The following PIK3CA variants were observed in gnomAD, a reference collection of about 807,000 sequenced individuals.
PIK3CA encodes phosphatidylinositol 4,5-bisphosphate 3-kinase catalytic subunit alpha isoform.
PIK3CA carries 27 observed loss-of-function variants against 138.2 expected under a neutral mutation model. That is an observed-to-expected ratio of 0.20 (90% confidence interval 0.14 to 0.27). The LOEUF (loss-of-function observed/expected upper bound fraction) is 0.27, where lower values mean the gene tolerates loss of function less well. Ranked by LOEUF, PIK3CA falls within the 10% of genes least tolerant of loss-of-function variation. PIK3CA has a pLI of 1.00. For missense variants in PIK3CA, 544 were observed against 1,277.4 expected, an observed-to-expected ratio of 0.43 and a Z score of 8.75; for synonymous variants, 358 against 413.2, an observed-to-expected ratio of 0.87 and a Z score of 1.62.
At chr3:179,190,307 AC>A (rs61660360) in intron 1 of PIK3CA, among the ~76,000 whole-genome samples, 3,417 of 129,700 alleles carry the variant, frequency 0.026, 56 homozygotes, top group Middle Eastern at 0.056. Flanking sequence ...TATATAGTGC[AC>A]CCCCCCCACC....
At chr3:179,187,270 G>A (rs1227104302) in intron 1 of PIK3CA, among the ~76,000 whole-genome samples, 1 of 151,994 alleles carries the variant, frequency 6.6e-6, no homozygotes, top group Non-Finnish European at 1.5e-5. Flanking sequence ...GGGTGCGGTG[G>A]CTCACACCTG....
intron 1 of PIK3CA, among the ~76,000 whole-genome samples, chr3:179,190,145 T>G (rs1724091167): frequency 6.6e-6 from 1 of 152,226 alleles, no homozygotes; most frequent in South Asian, 2.1e-4. Context: ...CTTTTGATTT[T>G]TCTTTAACCA....
intron 1 of PIK3CA, among the ~76,000 whole-genome samples, chr3:179,197,860 C>T (rs753646157): frequency 2.0e-4 from 30 of 151,974 alleles, no homozygotes; most frequent in Middle Eastern, 6.8e-3. Context: ...TCTAAAAGAC[C>T]CCCCAAGATT....
At chr3:179,192,996 A>G (rs562989135) in intron 1 of PIK3CA, among the ~76,000 whole-genome samples, 81 of 152,356 alleles carry the variant, frequency 5.3e-4, no homozygotes, top group Non-Finnish European at 1.1e-3. Context: ...AAGTCAAATG[A>G]CAATGGAGAA....
intron 1 of PIK3CA, among the ~76,000 whole-genome samples, chr3:179,151,683 G>A (rs1037234091): frequency 6.6e-6 from 1 of 152,122 alleles, no homozygotes; most frequent in Non-Finnish European, 1.5e-5. Context: ...CTTTCTCTAG[G>A]TTTATTTCTC....
At chr3:179,197,228 G>A (rs1035498777) in intron 1 of PIK3CA, among the ~76,000 whole-genome samples, 2 of 151,882 alleles carry the variant, frequency 1.3e-5, no homozygotes, top group Non-Finnish European at 1.5e-5. Context: ...TAGTAGAGAC[G>A]GGGTTTCACC....
chr3:179,229,393 A>G lies in PIK3CA; in HGVS notation c.2617A>G (p.Asn873Asp). ...KGGLKGALQF[N>D]SHTLHQWLKD... ...CGGCTTGAAAGGTGCACTGCAGTTC[A>G]ACAGCCACACACTACATCAGTGGCT... is the stretch of plus-strand genomic sequence containing the variant. The change falls in exon 18 of 21, where the codon AAC becomes GAC. Residue 873 changes from asparagine (N) to aspartate (D), a missense_variant. Around this residue, in one of 14 missense-constraint regions of PIK3CA, gnomAD observed 72 missense variants for 271.8 expected, o/e 0.26. Coordinates refer to ENST00000263967, the MANE Select transcript of PIK3CA (RefSeq NM_006218.4). 6.2e-7 allele frequency: 1 copy of G among 1,613,342 alleles called. No homozygotes were observed. The highest frequency in any genetic ancestry group is 8.5e-7 in the Non-Finnish European group (1 of 1,179,592).
At chr3:179,205,729 T>A (rs1724543402) in intron 6 of PIK3CA, among the ~76,000 whole-genome samples, 1 of 152,224 alleles carries the variant, frequency 6.6e-6, no homozygotes, top group Admixed American at 6.5e-5. Context: ...TCTTTGCTTC[T>A]CTCTATACAG....
intron 1 of PIK3CA, among the ~76,000 whole-genome samples, chr3:179,181,330 A>G (rs1323626612): frequency 6.6e-6 from 1 of 152,068 alleles, no homozygotes; most frequent in Admixed American, 6.5e-5. Context: ...ATAATGACTC[A>G]TGCTGTTCTC....
rs1373771256 is a variant in PIK3CA, at chr3:179,230,144, A to G, written c.2784+23A>G. On this transcript the variant is annotated intron_variant, in intron 19 of 20. Coordinates refer to ENST00000263967, the MANE Select transcript of PIK3CA (RefSeq NM_006218.4). The surrounding 1 kb of genome is among the most constrained non-coding windows in gnomAD (Gnocchi z 5.4). The stretch of plus-strand genomic sequence containing the variant: ...CAAGTAATGGTTTTCTCTGTTTAAA[A>G]TGTTTTGGTGTTCTTAATTTATTCA... The G allele has an allele frequency of 1.9e-6, 3 of 1,582,834 alleles. No homozygotes were observed. The African/African-American group carries it at 4.0e-5, about 21-fold the overall frequency.
rs536133592 is a variant in PIK3CA, at chr3:179,155,075, G to A, written c.-77+6472G>A. Among the ~76,000 whole-genome samples the A allele has an allele frequency of 6.6e-5, 10 of 152,276 alleles. No individual in the cohort carries two copies. In the South Asian group the frequency reaches 2.1e-3, roughly 32 times the overall value. The stretch of plus-strand genomic sequence containing the variant: ...GTGATGTGAAGAAAAAAACTGTATA[G>A]GGATAGAATCATTTTGCTCTAATCA... On this transcript the variant is annotated intron_variant, in intron 1 of 20. Transcript: ENST00000263967.
intron 6 of PIK3CA, among the ~76,000 whole-genome samples, chr3:179,207,789 G>T (rs976957466): frequency 1.3e-5 from 2 of 151,992 alleles, no homozygotes; most frequent in African/African-American, 4.8e-5. Context: ...CAAAGTGCTG[G>T]GATTACAGGT....
intron 1 of PIK3CA, among the ~76,000 whole-genome samples, chr3:179,172,559 GAATT>G (rs1256456761): frequency 6.6e-6 from 1 of 150,768 alleles, no homozygotes; most frequent in Non-Finnish European, 1.5e-5. Flanking sequence ...TAACAAACAG[GAATT>G]AATTATATTT....
intron 1 of PIK3CA, among the ~76,000 whole-genome samples, chr3:179,189,886 A>T (rs767374100): frequency 2.6e-5 from 4 of 152,202 alleles, no homozygotes; most frequent in African/African-American, 4.8e-5. Flanking sequence ...TTTAAAGGTC[A>T]GTGAAGGACG....
chr3:179,149,792 A>G (rs1359304361), intron 1 of PIK3CA: 1 of 152,200 alleles, frequency 6.6e-6, no homozygotes, highest in Non-Finnish European at 1.5e-5. Flanking sequence ...TATTGGTCAT[A>G]TGTTATCCTG....
At position 179,238,744 on chromosome 3, in the gene PIK3CA, GGT is replaced by G. The variant is rs1725381300; in HGVS notation, c.*4387_*4388del. ...TCTCTTCTTCATTATTAGTGCATTTGGTGTGTGTATACTTGCACACAATTCTG... is the reference window on the plus strand; with the variant it reads ...TCTCTTCTTCATTATTAGTGCATTTGGTGTGTATACTTGCACACAATTCTG... On this transcript the variant is annotated 3_prime_UTR_variant, in exon 21 of 21. Coordinates refer to ENST00000263967, the MANE Select transcript of PIK3CA (RefSeq NM_006218.4). The G allele has an allele frequency of 4.4e-6, 1 of 226,008 alleles. No individual in the cohort carries two copies. The highest frequency in any genetic ancestry group is 8.8e-6 in the Non-Finnish European group (1 of 113,540). 14.0% of individuals were successfully genotyped at this position (226,008 alleles called of 1,614,324 possible). A position where few individuals can be genotyped will look rare whatever the true frequency, so the allele number is the denominator to read the frequency against.
chr3:179,165,197 CACACTGCTATT>C (rs1281596143), intron 1 of PIK3CA, among the ~76,000 whole-genome samples: 2 of 152,122 alleles, frequency 1.3e-5, no homozygotes, highest in East Asian at 3.9e-4. Context: ...ACACTGCTTT[CACACTGCTATT>C]ACAATAATCA....
At chr3:179,182,173 G>T (rs1723863942) in intron 1 of PIK3CA, among the ~76,000 whole-genome samples, 2 of 149,948 alleles carry the variant, frequency 1.3e-5, no homozygotes, top group African/African-American at 5.0e-5. Context: ...GTTAGCTCAT[G>T]AATCATAACA....
intron 1 of PIK3CA, among the ~76,000 whole-genome samples, chr3:179,150,113 T>G (rs1021198032): frequency 6.6e-6 from 1 of 151,952 alleles, no homozygotes; most frequent in East Asian, 1.9e-4. Context: ...AATTATCAGA[T>G]TAACTGTTCT....
Sources: gnomAD v4.1 joint callset for allele counts (sites outside exome capture counted in the v4.1 genomes callset) on GRCh38, gnomAD v4.1.1 for gene constraint, gnomAD v4.1.1 regional missense constraint, Gnocchi (gnomAD v3.1) non-coding constraint, MANE v1.5 for transcripts, NCBI Gene and HGNC (gene_info 2026-07-23, HGNC 2026-07-21) for gene names.